Variants in VIT observed in about 807,000 individuals in gnomAD.
VIT encodes vitrin.
In VIT, 99 loss-of-function variants were observed where a neutral mutation model predicts 78.0. The observed-to-expected ratio is 1.27, with a 90% CI of 1.08 to 1.50. VIT has a LOEUF of 1.50. Ranked by LOEUF, VIT falls within the 40% of genes most tolerant of loss-of-function variation. VIT has a pLI of 0.00. For missense variants in VIT, 1,126 were observed against 875.3 expected (o/e 1.29, Z -3.61); for synonymous variants, 374 against 334.3 (o/e 1.12, Z -1.29).
At position 36,711,720 on chromosome 2, in the gene VIT, G is replaced by A. The variant is rs112534968; in HGVS notation, c.-18-4633G>A. On this transcript the variant is annotated intron_variant, in intron 1 of 15. Coordinates refer to ENST00000379242, the MANE Select transcript of VIT (RefSeq NM_053276.4). ...CAACTCTAGAAATGCACACGAAGTCGCTTTATTTAAAACTCTGTGAAAAAC... is the reference window on the plus strand; with the variant it reads ...CAACTCTAGAAATGCACACGAAGTCACTTTATTTAAAACTCTGTGAAAAAC... Among the ~76,000 whole-genome samples, 1,278 of 152,248 alleles carry A rather than the reference G, an allele frequency of 8.4e-3. 23 individuals carry two copies. The highest frequency in any genetic ancestry group is 0.029 in the African/African-American group (1,201 of 41,534).
chr2:36,773,924 C>T (rs1669906847), intron 8 of VIT, 77 bp downstream of exon 8: 3 of 1,425,148 alleles, frequency 2.1e-6, no homozygotes, highest in Non-Finnish European at 1.9e-6. Context: ...CACATCTTTG[C>T]CATTTAATTT....
chr2:36,790,906 G>A (rs1342288245), intron 12 of VIT, among the ~76,000 whole-genome samples: 1 of 13,998 alleles, frequency 7.1e-5, no homozygotes, highest in Non-Finnish European at 1.3e-4. Context: ...AAGAGTCAAT[G>A]AAAGAACAGC....
intron 2 of VIT, among the ~76,000 whole-genome samples, chr2:36,721,101 G>A (rs539480837): frequency 8.2e-4 from 124 of 152,000 alleles, no homozygotes; most frequent in Admixed American, 1.9e-3. Context: ...TTATAAAACC[G>A]CATTGTTTAC....
intron 2 of VIT, among the ~76,000 whole-genome samples, chr2:36,728,812 C>CAAAAAAAAAAAAAAAAAA (rs768222712): frequency 2.9e-4 from 1 of 3,430 alleles, no homozygotes; most frequent in Admixed American, 2.0e-3. Flanking sequence ...GACTCCGTCT[C>CAAAAAAAAAAAAAAAAAA]AAAAAAAAAA....
chr2:36,727,445 T>C (rs1573163103), intron 2 of VIT, among the ~76,000 whole-genome samples: 1 of 152,168 alleles, frequency 6.6e-6, no homozygotes, highest in African/African-American at 2.4e-5. Flanking sequence ...AGGGCCAGGG[T>C]GCTCATCCCA....
intron 3 of VIT, among the ~76,000 whole-genome samples, chr2:36,738,698 G>C (rs1249381880): frequency 2.0e-5 from 3 of 152,088 alleles, no homozygotes; most frequent in African/African-American, 2.4e-5. Context: ...ACAGATGAAA[G>C]GAAAAAGGGT....
intron 5 of VIT, among the ~76,000 whole-genome samples, chr2:36,758,239 G>A (rs528624830): frequency 6.6e-6 from 1 of 152,334 alleles, no homozygotes; most frequent in African/African-American, 2.4e-5. Flanking sequence ...ATTGCTTTGA[G>A]CTCTGAAAAT....
chr2:36,703,766 A>T (rs10490667), intron 1 of VIT, among the ~76,000 whole-genome samples: 74,092 of 151,960 alleles, frequency 0.49, 18,229 homozygotes, highest in Admixed American at 0.55. Context: ...GCATCAAGGT[A>T]AAAACAAAGA....
intron 6 of VIT, among the ~76,000 whole-genome samples, chr2:36,759,921 A>G (rs1669002618): frequency 1.3e-5 from 2 of 152,178 alleles, no homozygotes; most frequent in African/African-American, 4.8e-5. Context: ...AATGAAGCAC[A>G]GAGAAGTTAA....
chr2:36,754,887 T>A, intron 4 of VIT, 34 bp from the exon 5 acceptor site: 2 of 1,600,884 alleles, frequency 1.2e-6, no homozygotes, highest in South Asian at 1.1e-5. Context: ...AATATTTCTG[T>A]TCTTTCCTGA....
chr2:36,783,435 T>C (rs1664895522), intron 11 of VIT, 33 bp downstream of exon 11: 1 of 1,607,892 alleles, frequency 6.2e-7, no homozygotes, highest in African/African-American at 1.3e-5. Context: ...ACCCACGGTG[T>C]CTTTGACATC....
At chr2:36,780,451 G>T (rs952254141) in intron 9 of VIT, among the ~76,000 whole-genome samples, 2 of 152,208 alleles carry the variant, frequency 1.3e-5, no homozygotes, top group African/African-American at 2.4e-5. Context: ...TAAAGAAGCA[G>T]GATGTTCTTG....
chr2:36,783,273 TC>T, intron 10 of VIT, 66 bp from the exon 11 acceptor site: 2 of 1,542,878 alleles, frequency 1.3e-6, no homozygotes, highest in Non-Finnish European at 1.8e-6. Flanking sequence ...TTATGTCCCC[TC>T]CCATGGGGTA....
chr2:36,784,180 C>T (rs1224757818), intron 11 of VIT, among the ~76,000 whole-genome samples: 1 of 152,218 alleles, frequency 6.6e-6, no homozygotes, highest in Non-Finnish European at 1.5e-5. Context: ...ATGAGAAAGA[C>T]ATAGTAGTAG....
intron 2 of VIT, among the ~76,000 whole-genome samples, chr2:36,721,835 G>C (rs565551630): frequency 6.6e-6 from 1 of 152,214 alleles, no homozygotes; most frequent in South Asian, 2.1e-4. Context: ...CCCCCTTTAG[G>C]TTGGGCCATC....
At chr2:36,768,195 G>C (rs1344460629) in intron 7 of VIT, among the ~76,000 whole-genome samples, 1 of 152,136 alleles carries the variant, frequency 6.6e-6, no homozygotes, top group Non-Finnish European at 1.5e-5. Flanking sequence ...ACTTTGGGAG[G>C]CCGAGGCAAG....
chr2:36,704,020 T>G (rs28420099), intron 1 of VIT, among the ~76,000 whole-genome samples: 126,085 of 150,356 alleles, frequency 0.84, 53,465 homozygotes, highest in Middle Eastern at 0.95. Flanking sequence ...TGCCTTCCGG[T>G]GTTTGACTGA....
At chr2:36,756,621 A>AAAAGG (rs1215098242) in intron 5 of VIT, among the ~76,000 whole-genome samples, 1 of 152,194 alleles carries the variant, frequency 6.6e-6, no homozygotes, top group Non-Finnish European at 1.5e-5. Flanking sequence ...TTGCCTGCCA[A>AAAAGG]ATTCTACACG....
chr2:36,761,814 G>C (rs932355081), intron 6 of VIT, among the ~76,000 whole-genome samples: 2 of 152,130 alleles, frequency 1.3e-5, no homozygotes, highest in African/African-American at 4.8e-5. Context: ...ACAGCAGGAA[G>C]GGCCACATAA....
Sources: allele counts gnomAD v4.1 joint callset (sites outside exome capture counted in the v4.1 genomes callset), GRCh38; gene constraint gnomAD v4.1.1; transcripts MANE v1.5; gene names NCBI Gene and HGNC (gene_info 2026-07-23, HGNC 2026-07-21).